Variants in SPATS2 observed in about 807,000 individuals in gnomAD.
SPATS2 encodes spermatogenesis-associated serine-rich protein 2.
Under a neutral mutation model 63.7 loss-of-function variants are expected in SPATS2, and 38 were observed. The observed-to-expected ratio is 0.60, with a 90% CI of 0.46 to 0.78. The LOEUF (loss-of-function observed/expected upper bound fraction) is 0.78, where lower values mean the gene tolerates loss of function less well. SPATS2 is among the 30% of genes least tolerant of loss of function. SPATS2 has a pLI of 0.00. For missense variants in SPATS2, 588 were observed against 666.2 expected (o/e 0.88, Z 1.29); for synonymous variants, 207 against 232.9 (o/e 0.89, Z 1.01).
Position 49,502,016 on chromosome 12 carries a change from C to G in SPATS2, c.839+1811C>G, listed in dbSNP as rs996928272. ...AGACTTAAGGACCATATTAAAATGACAGGAAGACAAGCAGCTAGGGTGATG... is the reference window on the plus strand; with the variant it reads ...AGACTTAAGGACCATATTAAAATGAGAGGAAGACAAGCAGCTAGGGTGATG... On this transcript the variant is annotated intron_variant, in intron 9 of 13. Coordinates refer to ENST00000552918, the MANE Select transcript of SPATS2 (RefSeq NM_023071.4). Among the ~76,000 whole-genome samples the G allele has an allele frequency of 2.6e-5, 4 of 152,260 alleles. No individual in the cohort carries two copies. In the South Asian group the frequency reaches 8.3e-4, roughly 32 times the overall value.
intron 9 of SPATS2, among the ~76,000 whole-genome samples, chr12:49,513,762 A>C (rs1402379551): frequency 6.6e-6 from 1 of 152,198 alleles, no homozygotes; most frequent in Admixed American, 6.5e-5. Context: ...ACAAGTCCTA[A>C]TCATGGATAA....
intron 2 of SPATS2, among the ~76,000 whole-genome samples, chr12:49,429,714 C>A (rs1178751414): frequency 6.6e-6 from 1 of 151,460 alleles, no homozygotes; most frequent in African/African-American, 2.4e-5. Flanking sequence ...CCTTCGCCTC[C>A]CAAAGTGCTG....
rs560247435 is a variant in SPATS2 at position 49,464,825 on chromosome 12, T to TA, written c.25+3795dup. Among the ~76,000 whole-genome samples the TA allele has an allele frequency of 3.3e-5, 5 of 152,026 alleles. No individual in the cohort carries two copies. In the East Asian group the frequency reaches 7.7e-4, roughly 24 times the overall value. On this transcript the variant is annotated intron_variant, in intron 3 of 13. Transcript: ENST00000552918. ...GGTGACAGAGCGGGACCATGTCTCTTAAAAAAACAGAAACAAAACCCTCTT... is the reference window on the plus strand; with the variant it reads ...GGTGACAGAGCGGGACCATGTCTCTTAAAAAAAACAGAAACAAAACCCTCTT...
At chr12:49,455,741 C>G (rs1945708813) in intron 2 of SPATS2, among the ~76,000 whole-genome samples, 1 of 152,206 alleles carries the variant, frequency 6.6e-6, no homozygotes, top group African/African-American at 2.4e-5. Flanking sequence ...CCCACCTCAC[C>G]CGCCTAAGTA....
At chr12:49,499,391 G>GTTATT (rs1555191368) in intron 8 of SPATS2, among the ~76,000 whole-genome samples, 4,612 of 146,544 alleles carry the variant, frequency 0.031, 114 homozygotes, top group Non-Finnish European at 0.04. Context: ...GTTCTGCCTG[G>GTTATT]TTGTTTTGTT....
At position 49,482,162 on chromosome 12, in the gene SPATS2, T is replaced by G. The variant is rs556421036; in HGVS notation, c.26-2428T>G. On this transcript the variant is annotated intron_variant, in intron 3 of 13. Coordinates refer to ENST00000552918, the MANE Select transcript of SPATS2 (RefSeq NM_023071.4). ...CAAATTAAGATGTTAGATTATTGCTTTATCTTTTTGGTGACCTCATGTCAT... is the reference window on the plus strand; with the variant it reads ...CAAATTAAGATGTTAGATTATTGCTGTATCTTTTTGGTGACCTCATGTCAT... Among the ~76,000 whole-genome samples the G allele has an allele frequency of 5.3e-5, 8 of 152,334 alleles. No individual in the cohort carries two copies. The South Asian group carries it at 1.5e-3, about 28-fold the overall frequency.
At chr12:49,521,116 T>A (rs964737225) in intron 11 of SPATS2, among the ~76,000 whole-genome samples, 1 of 152,340 alleles carries the variant, frequency 6.6e-6, no homozygotes, top group Middle Eastern at 3.4e-3. Flanking sequence ...GCATTCTAAA[T>A]AATTGCTTAT....
intron 2 of SPATS2, among the ~76,000 whole-genome samples, chr12:49,382,800 G>A (rs975128996): frequency 6.6e-6 from 1 of 152,098 alleles, no homozygotes; most frequent in African/African-American, 2.4e-5. Flanking sequence ...TGTCTCCCTG[G>A]TTCAAGTGAT....
intron 4 of SPATS2, among the ~76,000 whole-genome samples, chr12:49,488,167 C>G (rs1182775234): frequency 6.6e-6 from 1 of 151,958 alleles, no homozygotes; most frequent in Non-Finnish European, 1.5e-5. Flanking sequence ...ACCTCAGCCT[C>G]CTGAGTATCT....
At chr12:49,500,032 C>CTTTT (rs71812288) in intron 8 of SPATS2, 38 bp from the exon 9 acceptor site, 119 of 1,116,414 alleles carry the variant, frequency 1.1e-4, no homozygotes, top group Non-Finnish European at 1.2e-4. Context: ...TATAATTATT[C>CTTTT]TTTTTTTTTT....
chr12:49,391,121 A>G (rs1244334881), intron 2 of SPATS2, among the ~76,000 whole-genome samples: 3 of 152,228 alleles, frequency 2.0e-5, no homozygotes, highest in African/African-American at 7.2e-5. Context: ...TCTGGTCCTC[A>G]TAACCTGTAA....
intron 11 of SPATS2, among the ~76,000 whole-genome samples, chr12:49,521,475 G>A (rs1320427257): frequency 6.6e-6 from 1 of 151,766 alleles, no homozygotes; most frequent in African/African-American, 2.4e-5. Flanking sequence ...TCCTCACATT[G>A]ATGCCAGTCA....
intron 2 of SPATS2, among the ~76,000 whole-genome samples, chr12:49,452,980 A>AC: frequency 6.6e-6 from 1 of 151,624 alleles, no homozygotes; most frequent in East Asian, 1.9e-4. Context: ...ACACGGTGAA[A>AC]CCCCGTCTCT....
At chr12:49,390,652 T>C (rs1277387238) in intron 2 of SPATS2, among the ~76,000 whole-genome samples, 1 of 152,234 alleles carries the variant, frequency 6.6e-6, no homozygotes, top group Non-Finnish European at 1.5e-5. Context: ...CACATTTATT[T>C]AAATTTTTGT....
intron 2 of SPATS2, among the ~76,000 whole-genome samples, chr12:49,373,762 T>C (rs1479782204): frequency 6.6e-6 from 1 of 152,032 alleles, no homozygotes; most frequent in East Asian, 1.9e-4. Flanking sequence ...CTGTCTCTAA[T>C]AAAAATACAA....
At chr12:49,489,770 A>C (rs1239244979) in intron 5 of SPATS2, among the ~76,000 whole-genome samples, 197 bp downstream of exon 5, 1 of 152,240 alleles carries the variant, frequency 6.6e-6, no homozygotes, top group Non-Finnish European at 1.5e-5. Flanking sequence ...AGATAAGCTG[A>C]GAAAACTCCA....
chr12:49,495,435 G>A (rs1255003549), intron 7 of SPATS2, among the ~76,000 whole-genome samples: 1 of 152,006 alleles, frequency 6.6e-6, no homozygotes, highest in Non-Finnish European at 1.5e-5. Context: ...CTGACCTCAT[G>A]ATCCACCCGC....
intron 2 of SPATS2, among the ~76,000 whole-genome samples, chr12:49,458,771 G>A (rs997951460): frequency 6.7e-6 from 1 of 149,990 alleles, no homozygotes; most frequent in African/African-American, 2.5e-5. Flanking sequence ...CATCTCTGCT[G>A]GCAGGAACTT....
chr12:49,428,224 C>T (rs1437755485), intron 2 of SPATS2, among the ~76,000 whole-genome samples: 1 of 151,630 alleles, frequency 6.6e-6, no homozygotes, highest in Non-Finnish European at 1.5e-5. Flanking sequence ...CACTGCACTC[C>T]AGCCTGGGCT....
Sources: gnomAD v4.1 joint callset for allele counts (sites outside exome capture counted in the v4.1 genomes callset) on GRCh38, gnomAD v4.1.1 for gene constraint, MANE v1.5 for transcripts, NCBI Gene and HGNC (gene_info 2026-07-23, HGNC 2026-07-21) for gene names.